The following PSME3IP1 variants were observed in gnomAD, a reference collection of about 807,000 sequenced individuals.
PSME3IP1 encodes PSME3-interacting protein.
PSME3IP1 carries 13 observed loss-of-function variants against 34.1 expected under a neutral mutation model. That is an observed-to-expected ratio of 0.38 (90% confidence interval 0.25 to 0.61). The LOEUF (loss-of-function observed/expected upper bound fraction) is 0.61, where lower values mean the gene tolerates loss of function less well. Among genes scored for constraint, PSME3IP1 ranks in the 20% least tolerant of loss-of-function variants. The pLI, the probability that PSME3IP1 is intolerant of heterozygous loss-of-function variation, is 0.60. For missense variants in PSME3IP1, 237 were observed against 301.4 expected, an observed-to-expected ratio of 0.79 and a Z score of 1.58; for synonymous variants, 93 against 114.3, an observed-to-expected ratio of 0.81 and a Z score of 1.19.
At chr16:57,167,306 T>C in intron 4 of PSME3IP1, 80 bp from the exon 5 acceptor site, 1 of 1,502,494 alleles carries the variant, frequency 6.7e-7, no homozygotes, top group Non-Finnish European at 9.2e-7. Flanking sequence ...CTGTGCGATG[T>C]AATGTCTGGC....
chr16:57,185,781 C>G lies in PSME3IP1; in HGVS notation c.-16+40G>C, dbSNP rs547524899. 4.1e-6 allele frequency: 4 copies of G among 985,496 alleles called. No individual in the cohort carries two copies. In the South Asian group the frequency reaches 1.4e-4, roughly 35 times the overall value. 61.0% of individuals were successfully genotyped at this position (985,496 alleles called of 1,614,324 possible). On this transcript the variant is annotated intron_variant, in intron 1 of 6. Transcript: ENST00000309137. ...ATCTCTTCCGTAAGGAAGCTGGAAC[C>G]CAGGTGTCGCCGCCAGGCCAGGACC...
chr16:57,164,048 C>G lies in PSME3IP1; in HGVS notation c.500G>C (p.Ser167Thr). The G allele has an allele frequency of 6.2e-7, 1 of 1,614,162 alleles. No individual in the cohort carries two copies. Among genetic ancestry groups the G allele is most frequent in the Non-Finnish European group, 8.5e-7 (1 of 1,180,018 alleles). Residue 167 changes from serine (S) to threonine (T), a missense_variant, in exon 6 of 7, where the codon AGT (serine) becomes ACT (threonine). Ser to Thr is a moderately conservative substitution (Grantham distance 58, BLOSUM62 1). Transcript: ENST00000309137. ...VKHKSSESGNSVKRLKPDPEP... is the reference protein window; with the variant it reads ...VKHKSSESGNTVKRLKPDPEP... ...AGGGTCCGGTTTCAGTCTTTTCACA[C>G]TGTTGCCACTCTCTGAGCTGTAACA... is the stretch of plus-strand genomic sequence containing the variant.
chr16:57,182,612 A>ATTTTT (rs550199855), intron 1 of PSME3IP1, among the ~76,000 whole-genome samples: 21 of 105,226 alleles, frequency 2.0e-4, no homozygotes, highest in African/African-American at 7.1e-4. Context: ...GCCAACTAAG[A>ATTTTT]TTTTTTTTTT....
At chr16:57,182,771 G>A (rs531543966) in intron 1 of PSME3IP1, among the ~76,000 whole-genome samples, 7 of 151,998 alleles carry the variant, frequency 4.6e-5, no homozygotes, top group South Asian at 2.1e-4. Context: ...TTAGCCAGGC[G>A]TAGTAGCACA....
chr16:57,163,480 C>T (rs188882709), intron 6 of PSME3IP1, among the ~76,000 whole-genome samples: 1 of 152,264 alleles, frequency 6.6e-6, no homozygotes, highest in East Asian at 1.9e-4. Flanking sequence ...TAATCCAGCC[C>T]CAGTAACATT....
chr16:57,155,360 T>C (rs2070392419), intron 6 of PSME3IP1, among the ~76,000 whole-genome samples: 2 of 152,318 alleles, frequency 1.3e-5, no homozygotes, highest in South Asian at 4.1e-4. Context: ...TGGTGGCTTA[T>C]GCGTATAATC....
At chr16:57,160,276 G>A (rs1159349560) in intron 6 of PSME3IP1, among the ~76,000 whole-genome samples, 21 of 147,162 alleles carry the variant, frequency 1.4e-4, no homozygotes, top group Non-Finnish European at 2.2e-4. Flanking sequence ...CGGCCTGGGC[G>A]ACAGAGCGAG....
chr16:57,180,339 T>G (rs1251816259), intron 1 of PSME3IP1, among the ~76,000 whole-genome samples: 1 of 151,688 alleles, frequency 6.6e-6, no homozygotes, highest in East Asian at 1.9e-4. Flanking sequence ...CCTGTAATCC[T>G]AGCACTTTGG....
intron 1 of PSME3IP1, among the ~76,000 whole-genome samples, chr16:57,185,180 C>G (rs1477696195): frequency 6.6e-6 from 1 of 152,138 alleles, no homozygotes; most frequent in Non-Finnish European, 1.5e-5. Flanking sequence ...TTTAAAAGGG[C>G]CCCAGGAGAT....
intron 4 of PSME3IP1, among the ~76,000 whole-genome samples, chr16:57,169,469 G>A (rs2072304386): frequency 6.6e-6 from 1 of 152,166 alleles, no homozygotes; most frequent in Non-Finnish European, 1.5e-5. Context: ...GCATGCTTGG[G>A]ATTAGTGTAT....
intron 6 of PSME3IP1, among the ~76,000 whole-genome samples, chr16:57,162,268 C>G (rs2071343557): frequency 6.6e-6 from 1 of 152,098 alleles, no homozygotes. Context: ...CTTGTATTTG[C>G]TAGAGACATA....
rs1411735953 is a variant in PSME3IP1 at position 57,153,309 on chromosome 16, C to G, written c.*981G>C. On this transcript the variant is annotated 3_prime_UTR_variant, in exon 7 of 7. Coordinates refer to ENST00000309137, the MANE Select transcript of PSME3IP1 (RefSeq NM_024946.4). ...GCAGCAAAGAAAAGTACTAGGGCAG[C>G]ACCTTTAGGTTAGAAATAGATTCCA... 1 of 152,158 alleles carries G rather than the reference C, an allele frequency of 6.6e-6. No homozygotes were observed. Among genetic ancestry groups the G allele is most frequent in the Non-Finnish European group, 1.5e-5 (1 of 68,006 alleles). The allele number at this position is 152,158 out of a possible 1,614,324, so 9.4% of individuals were successfully genotyped here.
At position 57,154,418 on chromosome 16, in the gene PSME3IP1, G is replaced by A; in HGVS notation, c.637C>T (p.Pro213Ser). 6.2e-7 allele frequency: 1 copy of A among 1,614,094 alleles called. No homozygotes were observed. Residue 213 changes from proline (P) to serine (S), a missense_variant, in exon 7 of 7, where the codon CCA becomes TCA. By Grantham distance (74) the Pro-to-Ser change is moderately conservative (BLOSUM62 -1). Coordinates refer to ENST00000309137, the MANE Select transcript of PSME3IP1 (RefSeq NM_024946.4). This position sits in a 1 kb window ranked among gnomAD's most constrained non-coding sequence, Gnocchi z 4.0. ...PSAAVCIGIL[P>S]GLGAYSGSSD... Reference sequence around the variant, plus strand: ...CTCCCAGAGTAGGCACCCAGGCCTGGGAGGATGCCGATACATACTGCAGCA... The same window carrying A: ...CTCCCAGAGTAGGCACCCAGGCCTGAGAGGATGCCGATACATACTGCAGCA...
intron 1 of PSME3IP1, among the ~76,000 whole-genome samples, chr16:57,183,627 C>T (rs1412500557): frequency 6.6e-6 from 1 of 152,046 alleles, no homozygotes; most frequent in Non-Finnish European, 1.5e-5. Flanking sequence ...GCTACCACGC[C>T]CAGCCAAAAA....
In PSME3IP1 at chr16:57,154,870, G is replaced by A. The variant is rs2070338011; in HGVS notation, c.548-363C>T. ...TTTCCCTGTGCTCACACAGCCGTGA[G>A]AATCTGAAAACAGATTAAGAGAGAC... On this transcript the variant is annotated intron_variant, in intron 6 of 6. Coordinates refer to ENST00000309137, the MANE Select transcript of PSME3IP1 (RefSeq NM_024946.4). The surrounding 1 kb of genome is among the most constrained non-coding windows in gnomAD (Gnocchi z 4.0). Among the ~76,000 whole-genome samples the A allele has an allele frequency of 6.6e-6, 1 of 152,180 alleles. No homozygotes were observed. Among genetic ancestry groups the A allele is most frequent in the Admixed American group, 6.5e-5 (1 of 15,282 alleles).
At chr16:57,163,699 C>A (rs548866779) in intron 6 of PSME3IP1, among the ~76,000 whole-genome samples, 1 of 152,308 alleles carries the variant, frequency 6.6e-6, no homozygotes, top group South Asian at 2.1e-4. Flanking sequence ...CAGAAAAACA[C>A]CTTTTGTGAG....
intron 6 of PSME3IP1, among the ~76,000 whole-genome samples, chr16:57,159,638 G>C (rs1247198294): frequency 6.6e-6 from 1 of 152,126 alleles, no homozygotes; most frequent in Non-Finnish European, 1.5e-5. Context: ...TTAATTCCTA[G>C]CAAAGGAGGA....
intron 6 of PSME3IP1, among the ~76,000 whole-genome samples, chr16:57,160,150 CG>C (rs1473261472): frequency 6.6e-6 from 1 of 151,854 alleles, no homozygotes; most frequent in Non-Finnish European, 1.5e-5. Flanking sequence ...ATTAGCCGGG[CG>C]CGGTGGCGGG....
chr16:57,177,199 A>AAAC (rs1161653951), intron 1 of PSME3IP1, among the ~76,000 whole-genome samples: 2 of 152,074 alleles, frequency 1.3e-5, no homozygotes, highest in African/African-American at 2.4e-5. Context: ...AATATGCCAA[A>AAAC]AACAACAACA....
Sources: gnomAD v4.1 joint callset for allele counts (sites outside exome capture counted in the v4.1 genomes callset) on GRCh38, gnomAD v4.1.1 for gene constraint, Gnocchi (gnomAD v3.1) non-coding constraint, MANE v1.5 for transcripts, NCBI Gene and HGNC (gene_info 2026-07-23, HGNC 2026-07-21) for gene names.